The following CSNK2A2IP variants were observed in gnomAD, a reference collection of about 807,000 sequenced individuals.
CSNK2A2IP encodes the protein casein kinase 2 subunit alpha' interacting protein.
At chr3:88,451,942 A>C in the CSNK2A2IP span, among the ~76,000 whole-genome samples, 2 of 151,986 alleles carry the variant, frequency 1.3e-5, no homozygotes, top group African/African-American at 4.8e-5. Flanking sequence ...TTTTGAATTG[A>C]GTTTCCTATT....
chr3:88,370,053 C>T, the CSNK2A2IP span, among the ~76,000 whole-genome samples: 3 of 151,886 alleles, frequency 2.0e-5, no homozygotes, highest in African/African-American at 7.2e-5. Context: ...AGACAAATTT[C>T]AGTTTGATTC....
At chr3:88,368,647 T>C in the CSNK2A2IP span, among the ~76,000 whole-genome samples, 3 of 152,192 alleles carry the variant, frequency 2.0e-5, no homozygotes, top group South Asian at 4.1e-4. Flanking sequence ...TTCACTCATA[T>C]AACTAGAACT....
chr3:88,443,185 T>C, the CSNK2A2IP span, among the ~76,000 whole-genome samples: 1 of 152,188 alleles, frequency 6.6e-6, no homozygotes, highest in Non-Finnish European at 1.5e-5. Flanking sequence ...TTATATGAGT[T>C]AAGAATATTC....
chr3:88,386,845 A>C, the CSNK2A2IP span, among the ~76,000 whole-genome samples: 1 of 152,186 alleles, frequency 6.6e-6, no homozygotes, highest in Admixed American at 6.5e-5. Flanking sequence ...GATGGTCATA[A>C]GTGAGGAAGT....
the CSNK2A2IP span, among the ~76,000 whole-genome samples, chr3:88,439,074 C>T: frequency 2.2e-4 from 34 of 152,240 alleles, no homozygotes; most frequent in Admixed American, 1.3e-3. Flanking sequence ...AAGTCCTCTC[C>T]GAGATATGAC....
chr3:88,346,656 G>T, the CSNK2A2IP span, among the ~76,000 whole-genome samples: 1 of 151,684 alleles, frequency 6.6e-6, no homozygotes, highest in East Asian at 1.9e-4. Flanking sequence ...CTACAGCTCA[G>T]AAAAAAAATT....
At chr3:88,405,401 C>G in the CSNK2A2IP span, among the ~76,000 whole-genome samples, 1 of 152,078 alleles carries the variant, frequency 6.6e-6, no homozygotes, top group Non-Finnish European at 1.5e-5. Context: ...TACAGGAGAT[C>G]AGAGGAAGGG....
the CSNK2A2IP span, among the ~76,000 whole-genome samples, chr3:88,393,848 G>C: frequency 6.6e-6 from 1 of 152,160 alleles, no homozygotes; most frequent in Non-Finnish European, 1.5e-5. Context: ...GGTTATTAGT[G>C]AATAAGAAAA....
At chr3:88,429,625 G>A in the CSNK2A2IP span, among the ~76,000 whole-genome samples, 1 of 152,156 alleles carries the variant, frequency 6.6e-6, no homozygotes, top group Non-Finnish European at 1.5e-5. Flanking sequence ...GATGGGCCTG[G>A]ATTGCAGCTT....
the CSNK2A2IP span, among the ~76,000 whole-genome samples, chr3:88,424,054 A>G: frequency 5.3e-5 from 8 of 152,098 alleles, no homozygotes; most frequent in South Asian, 6.2e-4. Context: ...TACTTGCCCA[A>G]CTCTTCCTTT....
chr3:88,466,226 T>C, the CSNK2A2IP span: 16 of 1,231,622 alleles, frequency 1.3e-5, no homozygotes, highest in South Asian at 4.1e-5. Context: ...AACCCCACTA[T>C]TGGAGGCTTA....
chr3:88,374,077 A>G, the CSNK2A2IP span, among the ~76,000 whole-genome samples: 1 of 151,688 alleles, frequency 6.6e-6, no homozygotes. Context: ...AGATTCCTTT[A>G]GGAAAGGATC....
the CSNK2A2IP span, among the ~76,000 whole-genome samples, chr3:88,447,271 A>G: frequency 6.6e-6 from 1 of 152,152 alleles, no homozygotes; most frequent in East Asian, 1.9e-4. Context: ...GCAAGAGGCC[A>G]TGGGATAGAG....
At chr3:88,340,712 T>G in the CSNK2A2IP span, among the ~76,000 whole-genome samples, 85 of 152,138 alleles carry the variant, frequency 5.6e-4, no homozygotes, top group Non-Finnish European at 1.0e-3. Context: ...TTTAAATAAC[T>G]GCTTGAACTT....
chr3:88,374,650 A>G, the CSNK2A2IP span, among the ~76,000 whole-genome samples: 1 of 151,670 alleles, frequency 6.6e-6, no homozygotes, highest in Non-Finnish European at 1.5e-5. Context: ...AAACCCAGAA[A>G]ATTTAATTAA....
the CSNK2A2IP span, among the ~76,000 whole-genome samples, chr3:88,451,006 C>A: frequency 6.6e-6 from 1 of 152,098 alleles, no homozygotes; most frequent in East Asian, 1.9e-4. Context: ...GCTTTGCCAA[C>A]ATTTGTTCAA....
the CSNK2A2IP span, among the ~76,000 whole-genome samples, chr3:88,417,527 T>C: frequency 6.6e-6 from 1 of 152,188 alleles, no homozygotes; most frequent in African/African-American, 2.4e-5. Context: ...TGAGAACTAA[T>C]CAGTTTTCTG....
chr3:88,434,102 A>G, the CSNK2A2IP span, among the ~76,000 whole-genome samples: 7 of 152,188 alleles, frequency 4.6e-5, no homozygotes, highest in African/African-American at 1.4e-4. Context: ...TAACAGACCT[A>G]AAATGTAGAC....
At chr3:88,370,520 C>A in the CSNK2A2IP span, among the ~76,000 whole-genome samples, 4 of 151,652 alleles carry the variant, frequency 2.6e-5, no homozygotes, top group African/African-American at 9.7e-5. Context: ...CCCTCCCTTC[C>A]ATGAAGGGAC....
Sources: gnomAD v4.1 joint callset for allele counts (sites outside exome capture counted in the v4.1 genomes callset) on GRCh38, gnomAD v4.1.1 for gene constraint, MANE v1.5 for transcripts, NCBI Gene and HGNC (gene_info 2026-07-23, HGNC 2026-07-21) for gene names.